The following LRRC8C variants were observed in gnomAD, a reference collection of about 807,000 sequenced individuals.
The protein encoded by LRRC8C is volume-regulated anion channel subunit LRRC8C.
A neutral mutation model predicts 55.3 loss-of-function variants in LRRC8C; 20 were observed. The ratio of observed to expected loss-of-function variants is 0.36; its 90% CI spans 0.25 to 0.53. LRRC8C has a LOEUF of 0.53. Among genes scored for constraint, LRRC8C ranks in the 20% least tolerant of loss-of-function variants. The probability of loss-of-function intolerance (pLI) is 0.92; values close to 1 mark genes in which losing one functional copy is unlikely to be tolerated. For synonymous variants in LRRC8C, 376 were observed against 360.7 expected (o/e 1.04, Z -0.48); for missense variants, 659 against 951.4 (o/e 0.69, Z 4.04).
the LRRC8C span, among the ~76,000 whole-genome samples, chr1:89,623,582 C>T: frequency 6.6e-6 from 1 of 152,106 alleles, no homozygotes; most frequent in African/African-American, 2.4e-5. Flanking sequence ...ATTAGCCGGG[C>T]ATGGTGGCAT....
chr1:89,672,168 C>T (rs1657436136), intron 1 of LRRC8C, among the ~76,000 whole-genome samples: 2 of 152,214 alleles, frequency 1.3e-5, no homozygotes, highest in Admixed American at 6.5e-5. Context: ...GAAATGTTCT[C>T]CTGGCCTTGG....
intron 1 of LRRC8C, among the ~76,000 whole-genome samples, chr1:89,666,048 G>A (rs948476297): frequency 9.2e-5 from 14 of 152,128 alleles, no homozygotes; most frequent in Non-Finnish European, 5.9e-5. Context: ...AGGCTATACC[G>A]TCTAGGATTG....
chr1:89,657,290 A>G (rs966608622), intron 1 of LRRC8C, among the ~76,000 whole-genome samples: 1 of 152,184 alleles, frequency 6.6e-6, no homozygotes, highest in Non-Finnish European at 1.5e-5. Flanking sequence ...CAAAACTGTA[A>G]TCAGTTCATA....
At chr1:89,676,628 C>T (rs1657554538) in intron 1 of LRRC8C, among the ~76,000 whole-genome samples, 1 of 152,126 alleles carries the variant, frequency 6.6e-6, no homozygotes, top group Non-Finnish European at 1.5e-5. Flanking sequence ...TTAGTGTAAC[C>T]AATTTGTATT....
intron 1 of LRRC8C, among the ~76,000 whole-genome samples, chr1:89,647,871 T>A (rs1380585713): frequency 6.6e-6 from 1 of 152,060 alleles, no homozygotes; most frequent in Non-Finnish European, 1.5e-5. Flanking sequence ...AAAACCAGCC[T>A]GGGCAACATG....
chr1:89,643,757 A>T lies in LRRC8C; in HGVS notation c.-5+10435A>T, dbSNP rs556653635. On this transcript the variant is annotated intron_variant, in intron 1 of 2. Coordinates refer to ENST00000370454, the MANE Select transcript of LRRC8C (RefSeq NM_032270.5). Reference sequence around the variant, plus strand: ...ACAGGATGTTTTCCTTCATAGTGATAGAATACTAGACATTTTGTGAGTTCC... The same window carrying T: ...ACAGGATGTTTTCCTTCATAGTGATTGAATACTAGACATTTTGTGAGTTCC... Among the ~76,000 whole-genome samples the T allele has an allele frequency of 9.8e-5, 15 of 152,344 alleles. No homozygotes were observed. In the South Asian group the frequency reaches 2.1e-3, roughly 21 times the overall value.
At chr1:89,662,634 A>G (rs1657150527) in intron 1 of LRRC8C, among the ~76,000 whole-genome samples, 1 of 152,132 alleles carries the variant, frequency 6.6e-6, no homozygotes, top group Admixed American at 6.5e-5. Context: ...TTTTGTAGGT[A>G]AAACTTTTTG....
chr1:89,639,614 C>G (rs1656399802), intron 1 of LRRC8C, among the ~76,000 whole-genome samples: 1 of 152,186 alleles, frequency 6.6e-6, no homozygotes, highest in South Asian at 2.1e-4. Flanking sequence ...ATTTGTTTTT[C>G]CACATATTTT....
At chr1:89,655,434 T>C (rs185140220) in intron 1 of LRRC8C, among the ~76,000 whole-genome samples, 1 of 152,320 alleles carries the variant, frequency 6.6e-6, no homozygotes, top group Non-Finnish European at 1.5e-5. Context: ...TGTCTTTCAG[T>C]TGGAGGCATT....
chr1:89,667,391 A>T (rs531702668), intron 1 of LRRC8C, among the ~76,000 whole-genome samples: 1 of 151,636 alleles, frequency 6.6e-6, no homozygotes, highest in South Asian at 2.1e-4. Flanking sequence ...GTAGCCTCTC[A>T]CTCCCTTTAT....
chr1:89,669,713 C>T (rs746703502), intron 1 of LRRC8C, among the ~76,000 whole-genome samples: 1 of 152,162 alleles, frequency 6.6e-6, no homozygotes, highest in Non-Finnish European at 1.5e-5. Context: ...GATACAGACT[C>T]AGGCACCCTG....
chr1:89,626,852 C>T, the LRRC8C span: 1 of 151,880 alleles, frequency 6.6e-6, no homozygotes, highest in African/African-American at 2.4e-5. Context: ...TACATAGGCC[C>T]GATTGATTAA....
Position 89,713,923 on chromosome 1 carries a change from T to C in LRRC8C, c.1353T>C (p.Leu451=), listed in dbSNP as rs781093353. 58 of 1,613,938 alleles carry C rather than the reference T, an allele frequency of 3.6e-5. No individual in the cohort carries two copies. Among genetic ancestry groups the C allele is most frequent in the Non-Finnish European group, 4.7e-5 (56 of 1,180,020 alleles). Residue 451 remains leucine (L), a synonymous_variant, in exon 3 of 3, where the codon CTT becomes CTC. Coordinates refer to ENST00000370454, the MANE Select transcript of LRRC8C (RefSeq NM_032270.5). This position sits in a 1 kb window ranked among gnomAD's most constrained non-coding sequence, Gnocchi z 5.2. ...FEITELQSLK[L]EIIKNVMIPA... The stretch of plus-strand genomic sequence containing the variant: ...TCACAGAGTTGCAATCTCTAAAACT[T>C]GAAATCATTAAGAACGTAATGATAC...
chr1:89,624,172 T>A, the LRRC8C span, among the ~76,000 whole-genome samples: 1 of 152,360 alleles, frequency 6.6e-6, no homozygotes, highest in Admixed American at 6.5e-5. Context: ...GAGCAGTAAG[T>A]ATGCTTCCCG....
At chr1:89,701,588 G>A (rs141956257) in intron 2 of LRRC8C, among the ~76,000 whole-genome samples, 27 of 152,120 alleles carry the variant, frequency 1.8e-4, no homozygotes, top group African/African-American at 6.3e-4. Context: ...AAAGAAATTC[G>A]GCCTTTCTGG....
Position 89,690,639 on chromosome 1 carries a change from A to G in LRRC8C, c.138+4028A>G, listed in dbSNP as rs190043898. On this transcript the variant is annotated intron_variant, in intron 2 of 2. Transcript: ENST00000370454. Reference sequence around the variant, plus strand: ...TAAGAGTGTACCTATGAAAATGTCTATAATGAGCATCATTTAGGAGATGTG... The same window carrying G: ...TAAGAGTGTACCTATGAAAATGTCTGTAATGAGCATCATTTAGGAGATGTG... Among the ~76,000 whole-genome samples, 315 of 152,364 alleles carry G rather than the reference A, an allele frequency of 2.1e-3. 3 individuals are homozygous for G. Among genetic ancestry groups the G allele is most frequent in the African/African-American group, 7.1e-3 (295 of 41,596 alleles).
intron 1 of LRRC8C, among the ~76,000 whole-genome samples, chr1:89,680,434 A>T (rs1657672446): frequency 6.6e-6 from 1 of 151,808 alleles, no homozygotes; most frequent in Non-Finnish European, 1.5e-5. Flanking sequence ...GTTATGTGGA[A>T]TATGGATCTA....
chr1:89,641,935 T>A (rs1656466983), intron 1 of LRRC8C, among the ~76,000 whole-genome samples: 1 of 152,230 alleles, frequency 6.6e-6, no homozygotes, highest in Non-Finnish European at 1.5e-5. Flanking sequence ...GTTTAAACGA[T>A]CTTTTTATGT....
At chr1:89,684,014 G>A (rs1657799601) in intron 1 of LRRC8C, among the ~76,000 whole-genome samples, 1 of 152,010 alleles carries the variant, frequency 6.6e-6, no homozygotes, top group South Asian at 2.1e-4. Context: ...TACTAATTTT[G>A]TTTTGGAAAA....
Sources: gnomAD v4.1 joint callset for allele counts (sites outside exome capture counted in the v4.1 genomes callset) on GRCh38, gnomAD v4.1.1 for gene constraint, Gnocchi (gnomAD v3.1) non-coding constraint, MANE v1.5 for transcripts, NCBI Gene and HGNC (gene_info 2026-07-23, HGNC 2026-07-21) for gene names.